Variants in FBN3 observed in about 807,000 individuals in gnomAD.
FBN3 encodes the protein fibrillin-3.
In FBN3, 234 loss-of-function variants were observed where a neutral mutation model predicts 330.1. The ratio of observed to expected loss-of-function variants is 0.71; its 90% confidence interval spans 0.64 to 0.79. The LOEUF is 0.79. Ranked by LOEUF, FBN3 falls within the 30% of genes least tolerant of loss-of-function variation. FBN3 has a pLI of 0.00. For missense variants in FBN3, 3,606 were observed against 3,886.9 expected (o/e 0.93, Z 1.92); for synonymous variants, 1,458 against 1,517.3 (o/e 0.96, Z 0.91).
chr19:8,100,776 A>G lies in FBN3; in HGVS notation c.5161+125T>C, dbSNP rs1335172027. 1.1e-5 allele frequency: 8 copies of G among 738,842 alleles called. No homozygotes were observed. The African/African-American group carries it at 1.4e-4, about 13-fold the overall frequency. The allele number at this position is 738,842 out of a possible 1,614,324, so 45.8% of individuals were successfully genotyped here. A position where few individuals can be genotyped will look rare whatever the true frequency, so the allele number is the denominator to read the frequency against. On this transcript the variant is annotated intron_variant, in intron 41 of 63. Transcript: ENST00000600128. ...TTCCTGGGGAGTTGGAGGTGTGTGGAGCGAGGAGGAGGGGAGGATGGAGGA... is the reference window on the plus strand; with the variant it reads ...TTCCTGGGGAGTTGGAGGTGTGTGGGGCGAGGAGGAGGGGAGGATGGAGGA...
In FBN3 at chr19:8,108,226, G is replaced by T. The variant is rs750716561; in HGVS notation, c.4631C>A (p.Thr1544Asn). 6 of 1,612,180 alleles carry T rather than the reference G, an allele frequency of 3.7e-6. 1 individual carries two copies. The South Asian group carries it at 6.6e-5, about 18-fold the overall frequency. The change falls in exon 37 of 64, where the codon ACC (threonine) becomes AAC (asparagine). Residue 1544 changes from threonine to asparagine, a missense_variant. Thr to Asn is a moderately conservative substitution (Grantham distance 65). Coordinates refer to ENST00000600128, the MANE Select transcript of FBN3 (RefSeq NM_032447.5). ...GAAGCCCTCACCACCCGGGCACAGG[G>T]TTCTGTACTCAGCTGTAAAGGGAAA... The part of the protein sequence containing the change: ...CPMANTTEYR[T>N]LCPGGEGFQP...
At chr19:8,081,319 T>G (rs554257957) in intron 58 of FBN3, 39 bp downstream of exon 58, 5 of 1,572,582 alleles carry the variant, frequency 3.2e-6, no homozygotes, top group Non-Finnish European at 3.4e-6. Context: ...CTAGACTGCA[T>G]GCAGTGGTGG....
In FBN3 at chr19:8,123,954, G is replaced by A; in HGVS notation, c.2786C>T (p.Thr929Ile). 6.2e-7 allele frequency: 1 copy of A among 1,614,090 alleles called. No homozygotes were observed. Among genetic ancestry groups the A allele is most frequent in the Non-Finnish European group, 8.5e-7 (1 of 1,180,022 alleles). The change falls in exon 23 of 64, where the codon ACC (threonine) becomes ATC (isoleucine). Residue 929 changes from threonine (T) to isoleucine (I), a missense_variant. Thr to Ile is a moderately conservative substitution (Grantham distance 89). Transcript: ENST00000600128. ...GTCCATCCGGTACTTGCCAGGCAGGGTGACCCCACACTCATCCTCATCCCA... is the reference window on the plus strand; with the variant it reads ...GTCCATCCGGTACTTGCCAGGCAGGATGACCCCACACTCATCCTCATCCCA... ...LRWDEDECGV[T>I]LPGKYRMDVC...
rs768183863 is a variant in FBN3, at chr19:8,117,527, C to T, written c.3400G>A (p.Gly1134Ser). ...GCATGGCAGGAGCACTGGAAGGCAC[C>T]GATGACATTGACACACTGGCCATGG... ...CPHGQCVNVIGAFQCSCHAGF... is the reference protein window; with the variant it reads ...CPHGQCVNVISAFQCSCHAGF... The change falls in exon 27 of 64, where the codon GGT becomes AGT. Residue 1134 changes from glycine (G) to serine (S), a missense_variant. Physicochemically the swap from Gly to Ser is moderately conservative, Grantham distance 56. Coordinates refer to ENST00000600128, the MANE Select transcript of FBN3 (RefSeq NM_032447.5). 32 of 1,558,262 alleles carry T rather than the reference C, an allele frequency of 2.1e-5. No homozygotes were observed. The highest frequency in any genetic ancestry group is 3.8e-5 in the Admixed American group (2 of 52,022).
At chr19:8,085,232 C>T in intron 56 of FBN3, 131 bp downstream of exon 56, 1 of 690,108 alleles carries the variant, frequency 1.4e-6, no homozygotes, top group Non-Finnish European at 2.4e-6. Context: ...CACACACACA[C>T]ACACACACAC....
intron 25 of FBN3, among the ~76,000 whole-genome samples, chr19:8,120,085 G>A (rs1478906403): frequency 2.6e-5 from 4 of 151,240 alleles, no homozygotes; most frequent in Admixed American, 1.3e-4. Context: ...TCTCTCATCA[G>A]ATCATGTGGC....
chr19:8,125,376 T>C (rs1169753400), intron 22 of FBN3, among the ~76,000 whole-genome samples: 1 of 151,790 alleles, frequency 6.6e-6, no homozygotes, highest in Non-Finnish European at 1.5e-5. Context: ...ATTGCGCCAC[T>C]GCACTCCTGC....
chr19:8,082,363 CT>C (rs1432821243), intron 57 of FBN3, among the ~76,000 whole-genome samples: 4 of 123,014 alleles, frequency 3.3e-5, no homozygotes, highest in African/African-American at 7.2e-5. Flanking sequence ...CTCTCTCTTT[CT>C]TTTTTCTTTC....
At position 8,111,636 on chromosome 19, in the gene FBN3, C is replaced by A. The variant is rs1341213055; in HGVS notation, c.4084+12G>T. The A allele has an allele frequency of 1.3e-6, 2 of 1,595,398 alleles. No individual in the cohort carries two copies. The highest frequency in any genetic ancestry group is 1.7e-6 in the Non-Finnish European group (2 of 1,167,930). ...CTCTAGGGCCCCTGCCCTCCCACCC[C>A]TCTAATCTCACCTTCGCAGAAGAAG... On this transcript the variant is annotated intron_variant, in intron 32 of 63. Coordinates refer to ENST00000600128, the MANE Select transcript of FBN3 (RefSeq NM_032447.5).
rs978693525 is a variant in FBN3 at position 8,125,048 on chromosome 19, T to G, written c.2731+844A>C. ...TAACCCCAGTGCAAGATGTTGAGAGTTGGGGAGGCTGTACGTGTGTGGAGG... is the reference window on the plus strand; with the variant it reads ...TAACCCCAGTGCAAGATGTTGAGAGGTGGGGAGGCTGTACGTGTGTGGAGG... On this transcript the variant is annotated intron_variant, in intron 22 of 63. Transcript: ENST00000600128. 1.1e-4 allele frequency among the ~76,000 whole-genome samples: 17 copies of G among 152,034 alleles called. No homozygotes were observed. The East Asian group carries it at 3.3e-3, about 29-fold the overall frequency.
chr19:8,092,191 CA>C (rs1018224162), intron 47 of FBN3, among the ~76,000 whole-genome samples: 1 of 149,318 alleles, frequency 6.7e-6, no homozygotes, highest in African/African-American at 2.5e-5. Context: ...AAAAAAAAAC[CA>C]AAAAACTAAA....
intron 63 of FBN3, among the ~76,000 whole-genome samples, chr19:8,069,824 C>T (rs1197456788): frequency 6.6e-6 from 1 of 152,180 alleles, no homozygotes; most frequent in African/African-American, 2.4e-5. Flanking sequence ...CTGGCCTTGA[C>T]TGGGCACAGT....
intron 13 of FBN3, 21 bp downstream of exon 13, chr19:8,135,940 A>T: frequency 2.4e-5 from 4 of 168,340 alleles, no homozygotes; most frequent in Admixed American, 1.3e-4. Context: ...GCCCCTGCCC[A>T]CCCGCCCACC....
At chr19:8,103,021 C>A (rs560529108) in intron 39 of FBN3, 148 bp from the exon 40 acceptor site, 2 of 815,000 alleles carry the variant, frequency 2.5e-6, no homozygotes, top group South Asian at 3.4e-5. Context: ...AATCCCAGCA[C>A]TTTGGGAGGC....
chr19:8,138,018 C>T, intron 10 of FBN3, 123 bp downstream of exon 10: 2 of 1,123,694 alleles, frequency 1.8e-6, no homozygotes, highest in Non-Finnish European at 2.5e-6. Flanking sequence ...GCCAGGAGTT[C>T]CCCCTCCAAA....
At chr19:8,102,996 G>A (rs1257003840) in intron 39 of FBN3, 123 bp from the exon 40 acceptor site, 11 of 1,023,110 alleles carry the variant, frequency 1.1e-5, no homozygotes, top group Non-Finnish European at 1.6e-5. Context: ...TCCAGGCACA[G>A]TGGCTCATGC....
rs139750989 is a variant in FBN3, at chr19:8,136,397, C to T, written c.1336G>A (p.Glu446Lys). 10 of 1,613,706 alleles carry T rather than the reference C, an allele frequency of 6.2e-6. No homozygotes were observed. The highest frequency in any genetic ancestry group is 3.3e-5 in the South Asian group (3 of 91,070). ...CCTGGCCGCGGCTCACCAATGCACT[C>T]GCCGCGCACGTCCTGGGTGTAGCCC... Reference protein sequence around the residue: ...NVGYTQDVRGECIDVDECTSS... With the variant: ...NVGYTQDVRGKCIDVDECTSS... Residue 446 changes from glutamate (E) to lysine (K), a missense_variant, in exon 11 of 64, where the codon GAG becomes AAG. By Grantham distance (56) the Glu-to-Lys change is moderately conservative (BLOSUM62 1). Transcript: ENST00000600128.
chr19:8,095,115 GCAATAGCCA>G (rs2082182167), intron 46 of FBN3, among the ~76,000 whole-genome samples: 1 of 152,056 alleles, frequency 6.6e-6, no homozygotes, highest in Non-Finnish European at 1.5e-5. Context: ...AGGACTACAG[GCAATAGCCA>G]CCACTCCTGG....
chr19:8,076,709 AT>A (rs2081650674), intron 59 of FBN3, among the ~76,000 whole-genome samples: 1 of 152,218 alleles, frequency 6.6e-6, no homozygotes, highest in Admixed American at 6.5e-5. Context: ...ATAATTTTAA[AT>A]GGCCACCACA....
Sources: gnomAD v4.1 joint callset for allele counts (sites outside exome capture counted in the v4.1 genomes callset) on GRCh38, gnomAD v4.1.1 for gene constraint, MANE v1.5 for transcripts, NCBI Gene and HGNC (gene_info 2026-07-23, HGNC 2026-07-21) for gene names.